The following RANBP2 variants were observed in gnomAD, a reference collection of about 807,000 sequenced individuals.
RANBP2 encodes E3 SUMO-protein ligase RanBP2.
Under a neutral mutation model 303.6 loss-of-function variants are expected in RANBP2, and 57 were observed. The observed-to-expected ratio is 0.19, with a 90% CI of 0.15 to 0.23. The LOEUF (loss-of-function observed/expected upper bound fraction) is 0.23. Among genes scored for constraint, RANBP2 ranks in the 10% least tolerant of loss-of-function variants. RANBP2 has a pLI of 1.00. For synonymous variants in RANBP2, 1,167 were observed against 1,301.5 expected (o/e 0.90, Z 2.23); for missense variants, 3,138 against 3,780.8 (o/e 0.83, Z 4.46).
chr2:109,148,075 G>A, the RANBP2 span, among the ~76,000 whole-genome samples: 1 of 152,196 alleles, frequency 6.6e-6, no homozygotes, highest in South Asian at 2.1e-4. Flanking sequence ...GTTCAGGGAA[G>A]GGACCATCTG....
chr2:108,781,728 C>T (rs562476858), intron 26 of RANBP2, among the ~76,000 whole-genome samples: 1 of 152,258 alleles, frequency 6.6e-6, no homozygotes, highest in East Asian at 1.9e-4. Context: ...ACCTCATACT[C>T]ACTAAAGTCC....
the RANBP2 span, among the ~76,000 whole-genome samples, chr2:109,598,265 T>C: frequency 1.3e-5 from 2 of 152,022 alleles, no homozygotes; most frequent in African/African-American, 4.8e-5. Flanking sequence ...ACAGGGTTTC[T>C]CCACGTTGGT....
the RANBP2 span, among the ~76,000 whole-genome samples, chr2:109,657,682 G>A: frequency 5.3e-5 from 8 of 149,910 alleles, no homozygotes; most frequent in East Asian, 2.0e-4. Flanking sequence ...AAACTGAACC[G>A]ATGGAAAGCT....
the RANBP2 span, among the ~76,000 whole-genome samples, chr2:108,948,264 A>G: frequency 1.3e-5 from 2 of 152,204 alleles, no homozygotes; most frequent in South Asian, 2.1e-4. Context: ...CCATATCACT[A>G]TTGGCATTTT....
chr2:109,548,775 CAAAAAAAAAA>C, the RANBP2 span, among the ~76,000 whole-genome samples: 44 of 63,596 alleles, frequency 6.9e-4, 1 homozygote, highest in South Asian at 2.4e-3. Flanking sequence ...GGCTCCATCT[CAAAAAAAAAA>C]AAAAAAAAAA....
At chr2:109,404,322 G>C in the RANBP2 span, among the ~76,000 whole-genome samples, 1 of 152,240 alleles carries the variant, frequency 6.6e-6, no homozygotes, top group Non-Finnish European at 1.5e-5. Flanking sequence ...CGAGGAGAGA[G>C]CTGGGAGCTG....
At chr2:109,552,242 G>A in the RANBP2 span, among the ~76,000 whole-genome samples, 1 of 152,156 alleles carries the variant, frequency 6.6e-6, no homozygotes, top group Non-Finnish European at 1.5e-5. Flanking sequence ...GGTCCCTGGT[G>A]CCAAAAAGGT....
chr2:109,521,064 A>G, the RANBP2 span, among the ~76,000 whole-genome samples: 46 of 151,608 alleles, frequency 3.0e-4, no homozygotes, highest in Middle Eastern at 3.4e-3. Flanking sequence ...AAAAATACAA[A>G]AAATTAGCCG....
chr2:109,426,007 C>T, the RANBP2 span, among the ~76,000 whole-genome samples: 6 of 152,214 alleles, frequency 3.9e-5, no homozygotes, highest in African/African-American at 1.4e-4. Context: ...AAGCCATTCT[C>T]CTGCCTCAGC....
chr2:109,407,840 C>G, the RANBP2 span, among the ~76,000 whole-genome samples: 1 of 152,202 alleles, frequency 6.6e-6, no homozygotes, highest in Non-Finnish European at 1.5e-5. Flanking sequence ...CAATCCTGGC[C>G]TTTAAGTGGG....
At chr2:108,920,657 G>A in the RANBP2 span, among the ~76,000 whole-genome samples, 1 of 152,172 alleles carries the variant, frequency 6.6e-6, no homozygotes. Context: ...TCTGACGCCT[G>A]TCCTCTTTGG....
the RANBP2 span, among the ~76,000 whole-genome samples, chr2:109,693,015 T>G: frequency 6.6e-6 from 1 of 152,066 alleles, no homozygotes; most frequent in South Asian, 2.1e-4. Context: ...CTTTTGGAAT[T>G]CAGGCACAGC....
the RANBP2 span, among the ~76,000 whole-genome samples, chr2:109,683,147 A>G: frequency 6.6e-6 from 1 of 152,282 alleles, no homozygotes; most frequent in East Asian, 1.9e-4. Context: ...CTACGATTAC[A>G]GGTGCCTGCC....
At chr2:109,562,304 C>T in the RANBP2 span, among the ~76,000 whole-genome samples, 1 of 151,846 alleles carries the variant, frequency 6.6e-6, no homozygotes, top group African/African-American at 2.4e-5. Context: ...CTCTCTTTCA[C>T]GCCTCCATCT....
the RANBP2 span, among the ~76,000 whole-genome samples, chr2:109,048,274 A>G: frequency 6.6e-6 from 1 of 152,172 alleles, no homozygotes; most frequent in African/African-American, 2.4e-5. Flanking sequence ...TTAGGGTTTA[A>G]TCATATCTTT....
chr2:108,886,149 G>C, the RANBP2 span, among the ~76,000 whole-genome samples: 3 of 152,168 alleles, frequency 2.0e-5, no homozygotes, highest in Non-Finnish European at 4.4e-5. Context: ...GCAGGATCCA[G>C]TGGTAATTCT....
At chr2:109,415,747 G>A in the RANBP2 span, among the ~76,000 whole-genome samples, 1 of 152,234 alleles carries the variant, frequency 6.6e-6, no homozygotes, top group East Asian at 1.9e-4. Flanking sequence ...CACTTCATCT[G>A]GCCTCCCACC....
the RANBP2 span, chr2:108,804,879 C>A: frequency 3.1e-6 from 4 of 1,303,772 alleles, no homozygotes; most frequent in South Asian, 2.0e-5. Flanking sequence ...TTTTTTTTTT[C>A]TCCTCCTAGC....
chr2:108,941,144 T>C, the RANBP2 span, among the ~76,000 whole-genome samples: 594 of 152,352 alleles, frequency 3.9e-3, 5 homozygotes, highest in African/African-American at 0.013. Flanking sequence ...CTGTGATGCG[T>C]CTGCGTTGTG....
Sources: gnomAD v4.1 joint callset for allele counts (sites outside exome capture counted in the v4.1 genomes callset) on GRCh38, gnomAD v4.1.1 for gene constraint, MANE v1.5 for transcripts, NCBI Gene and HGNC (gene_info 2026-07-23, HGNC 2026-07-21) for gene names.